The following CD8B2 variants were observed in gnomAD, a reference collection of about 807,000 sequenced individuals.
The protein encoded by CD8B2 is CD8B family member 2, also known as T-cell surface glycoprotein CD8 beta-2 chain.
A neutral mutation model predicts 23.7 loss-of-function variants in CD8B2; 11 were observed. That is an observed-to-expected ratio of 0.46 (90% CI 0.29 to 0.77). The LOEUF (loss-of-function observed/expected upper bound fraction) is 0.77. CD8B2 is among the 30% of genes least tolerant of loss of function. CD8B2 has a pLI of 0.09. For synonymous variants in CD8B2, 90 were observed against 109.3 expected (o/e 0.82, Z 1.10); for missense variants, 197 against 270.5 (o/e 0.73, Z 1.91).
chr2:106,529,044 C>A (rs1031282532), intron 5 of CD8B2, among the ~76,000 whole-genome samples: 8 of 152,176 alleles, frequency 5.3e-5, no homozygotes, highest in African/African-American at 1.2e-4. Flanking sequence ...CTGAGCTCTG[C>A]AGCTTCTTGA....
chr2:106,514,477 C>T (rs188165831), downstream of CD8B2, among the ~76,000 whole-genome samples: 13 of 151,576 alleles, frequency 8.6e-5, 1 homozygote, highest in South Asian at 8.4e-4. Context: ...TTAGTAGAGA[C>T]GGGGTTTCAC....
At chr2:106,533,591 A>T (rs924563656) in intron 5 of CD8B2, among the ~76,000 whole-genome samples, 5 of 152,164 alleles carry the variant, frequency 3.3e-5, no homozygotes, top group Admixed American at 6.5e-5. Flanking sequence ...CACAGCTAAA[A>T]CAAGGATCTC....
downstream of CD8B2, among the ~76,000 whole-genome samples, chr2:106,511,876 C>T (rs1444820370): frequency 1.3e-5 from 2 of 152,196 alleles, no homozygotes; most frequent in Non-Finnish European, 2.9e-5. Context: ...TTGAGATTCA[C>T]AGAAATATGC....
Position 106,497,856 on chromosome 2 carries a change from G to A in CD8B2, c.493+1594G>A, listed in dbSNP as rs181301208. On this transcript the variant is annotated intron_variant, in intron 3 of 5. Coordinates refer to ENST00000643224, the MANE Select transcript of CD8B2 (RefSeq NM_001349727.2). ...GGATATAAAAGGCAAATACAATAGA[G>A]CCACTAAGATGAGGGCACAAGAACT... 5.3e-5 allele frequency among the ~76,000 whole-genome samples: 8 copies of A among 152,238 alleles called. No individual in the cohort carries two copies. The East Asian group carries it at 1.5e-3, about 29-fold the overall frequency.
downstream of CD8B2, among the ~76,000 whole-genome samples, chr2:106,512,901 T>G (rs1480022955): frequency 6.6e-6 from 1 of 152,140 alleles, no homozygotes; most frequent in African/African-American, 2.4e-5. Flanking sequence ...TAGGCCTCAG[T>G]TCCCTCCCTA....
intron 5 of CD8B2, among the ~76,000 whole-genome samples, chr2:106,521,009 C>A (rs1369065202): frequency 4.6e-4 from 21 of 45,554 alleles, no homozygotes; most frequent in African/African-American, 8.4e-4. Context: ...AAAAAAAAAT[C>A]ATAATGTTTT....
rs145701843 is a variant in CD8B2 at position 106,518,114 on chromosome 2, T to C, written c.620+13789T>C. ...AGATTTTCTTCATCCTGCTATTTCA[T>C]ACCCAGCCTAGCATGGTGTCTTGTA... On this transcript the variant is annotated intron_variant, in intron 5 of 5. Coordinates refer to the CD8B2 transcript ENST00000416057. 1.4e-3 allele frequency among the ~76,000 whole-genome samples: 208 copies of C among 152,314 alleles called. 4 individuals carry two copies. The highest frequency in any genetic ancestry group is 6.1e-3 in the Admixed American group (94 of 15,300).
At chr2:106,518,593 G>GA (rs1417296407) in intron 5 of CD8B2, among the ~76,000 whole-genome samples, 1 of 152,004 alleles carries the variant, frequency 6.6e-6, no homozygotes, top group Non-Finnish European at 1.5e-5. Flanking sequence ...TTATTTTCTA[G>GA]AAAAAATGAG....
chr2:106,513,295 G>A (rs1454320958), downstream of CD8B2, among the ~76,000 whole-genome samples: 1 of 151,952 alleles, frequency 6.6e-6, no homozygotes, highest in Non-Finnish European at 1.5e-5. Flanking sequence ...AACCCCACGG[G>A]CTTTCATTCT....
chr2:106,515,491 G>C (rs1488618208), downstream of CD8B2, among the ~76,000 whole-genome samples: 2 of 152,198 alleles, frequency 1.3e-5, no homozygotes, highest in Non-Finnish European at 2.9e-5. Flanking sequence ...CTTAGAGGAA[G>C]AGGAAGAGAC....
intron 5 of CD8B2, among the ~76,000 whole-genome samples, chr2:106,517,996 G>C (rs1679762321): frequency 6.6e-6 from 1 of 152,140 alleles, no homozygotes; most frequent in Admixed American, 6.5e-5. Flanking sequence ...TTACAGGCGG[G>C]AGCCACCGCG....
chr2:106,529,313 G>A (rs1484942652), intron 5 of CD8B2, among the ~76,000 whole-genome samples: 1 of 152,228 alleles, frequency 6.6e-6, no homozygotes, highest in Non-Finnish European at 1.5e-5. Flanking sequence ...TGAAAGCAGA[G>A]AGGGACCAGT....
chr2:106,492,387 A>G (rs1679212673), intron 2 of CD8B2, among the ~76,000 whole-genome samples: 1 of 152,178 alleles, frequency 6.6e-6, no homozygotes, highest in Admixed American at 6.5e-5. Flanking sequence ...TTTATTAACT[A>G]TATTTTCATC....
downstream of CD8B2, among the ~76,000 whole-genome samples, chr2:106,513,924 G>T (rs1679684511): frequency 1.3e-5 from 2 of 152,190 alleles, no homozygotes; most frequent in African/African-American, 4.8e-5. Context: ...TTGGAAACAG[G>T]GAGGGAGGGT....
At chr2:106,514,959 G>A (rs1336861114), downstream of CD8B2, among the ~76,000 whole-genome samples, 1 of 152,250 alleles carries the variant, frequency 6.6e-6, no homozygotes, top group African/African-American at 2.4e-5. Context: ...GCTGCTCACT[G>A]CTGGAAAGCT....
chr2:106,527,307 G>A (rs1247475900), intron 5 of CD8B2, among the ~76,000 whole-genome samples: 5 of 152,164 alleles, frequency 3.3e-5, no homozygotes, highest in Non-Finnish European at 2.9e-5. Context: ...GTCTTGAAAC[G>A]GCCTGAAGTC....
chr2:106,514,650 C>CT (rs1679699119), downstream of CD8B2, among the ~76,000 whole-genome samples: 2 of 151,612 alleles, frequency 1.3e-5, no homozygotes, highest in South Asian at 4.2e-4. Context: ...CAATGGACAG[C>CT]TATCCCACGT....
intron 5 of CD8B2, among the ~76,000 whole-genome samples, chr2:106,525,354 C>T (rs1400225706): frequency 2.6e-5 from 4 of 152,218 alleles, no homozygotes; most frequent in Non-Finnish European, 4.4e-5. Context: ...AGATTCCACA[C>T]AGGTCTTGGG....
chr2:106,501,385 A>G (rs1157512522), intron 3 of CD8B2, among the ~76,000 whole-genome samples: 2 of 152,118 alleles, frequency 1.3e-5, no homozygotes. Flanking sequence ...ATTTTTTAAA[A>G]CTATATGTAT....
Sources: allele counts gnomAD v4.1 joint callset (sites outside exome capture counted in the v4.1 genomes callset), GRCh38; gene constraint gnomAD v4.1.1; transcripts MANE v1.5; gene names NCBI Gene and HGNC (gene_info 2026-07-23, HGNC 2026-07-21).